The following CAST variants were observed in gnomAD, a reference collection of about 807,000 sequenced individuals.
CAST encodes the protein calpastatin.
In CAST, 76 loss-of-function variants were observed where a neutral mutation model predicts 119.6. The ratio of observed to expected loss-of-function variants is 0.64; its 90% confidence interval spans 0.53 to 0.77. The LOEUF is 0.77. Ranked by LOEUF, CAST falls within the 30% of genes least tolerant of loss-of-function variation. CAST has a pLI of 0.00. For missense variants in CAST, 953 were observed against 946.5 expected (o/e 1.01, Z -0.09); for synonymous variants, 319 against 331.6 (o/e 0.96, Z 0.41).
At chr5:96,744,075 T>G (rs1424038957) in intron 16 of CAST, among the ~76,000 whole-genome samples, 1 of 152,100 alleles carries the variant, frequency 6.6e-6, no homozygotes, top group Non-Finnish European at 1.5e-5. Context: ...AGAAAAAAAG[T>G]GACATAAAAT....
chr5:96,662,259 C>G (rs902972700), upstream of CAST: 5 of 870,014 alleles, frequency 5.7e-6, no homozygotes, highest in Non-Finnish European at 7.8e-6. Flanking sequence ...CTAGGGGAAC[C>G]CCGGCGCAGA....
intron 1 of CAST, among the ~76,000 whole-genome samples, chr5:96,530,083 A>G (rs1434924738): frequency 6.6e-6 from 1 of 152,242 alleles, no homozygotes; most frequent in Non-Finnish European, 1.5e-5. Flanking sequence ...TCTAATAAGA[A>G]AGAGAAAAAG....
chr5:96,106,742 C>G, the CAST span, among the ~76,000 whole-genome samples: 1 of 151,844 alleles, frequency 6.6e-6, no homozygotes, highest in Non-Finnish European at 1.5e-5. Context: ...ATTAGGTCCA[C>G]TTGGTGCAGA....
the CAST span, among the ~76,000 whole-genome samples, chr5:96,295,513 G>C: frequency 6.6e-6 from 1 of 152,298 alleles, no homozygotes; most frequent in East Asian, 1.9e-4. Flanking sequence ...TTTGGAACAA[G>C]AGGTTAGTTC....
the CAST span, among the ~76,000 whole-genome samples, chr5:96,355,058 A>G: frequency 6.6e-6 from 1 of 152,096 alleles, no homozygotes; most frequent in East Asian, 1.9e-4. Flanking sequence ...ACATGTGCAG[A>G]ACGTGCAGGT....
chr5:95,966,144 T>C, the CAST span, among the ~76,000 whole-genome samples: 1 of 152,078 alleles, frequency 6.6e-6, no homozygotes, highest in Non-Finnish European at 1.5e-5. Context: ...TAGAAGGAAA[T>C]AGAGGACCTG....
chr5:96,065,388 G>T, the CAST span, among the ~76,000 whole-genome samples: 3 of 147,630 alleles, frequency 2.0e-5, no homozygotes, highest in East Asian at 5.9e-4. Flanking sequence ...TATATCCTAT[G>T]GTGGTTAATG....
intron 1 of CAST, among the ~76,000 whole-genome samples, chr5:96,627,750 G>A (rs1462753715): frequency 3.3e-5 from 5 of 152,234 alleles, no homozygotes; most frequent in Admixed American, 6.5e-5. Context: ...AGAAGGAGAG[G>A]AACCTAGATA....
the CAST span, among the ~76,000 whole-genome samples, chr5:96,485,761 T>C: frequency 6.6e-6 from 1 of 152,154 alleles, no homozygotes; most frequent in African/African-American, 2.4e-5. Flanking sequence ...GCTCAGAGAA[T>C]ATATAATTCT....
intron 1 of CAST, among the ~76,000 whole-genome samples, chr5:96,610,249 G>A (rs903405110): frequency 6.6e-6 from 1 of 152,086 alleles, no homozygotes; most frequent in Admixed American, 6.6e-5. Context: ...GCTGAACTGT[G>A]AGCCATCAAG....
At chr5:96,741,698 C>A (rs1762720365) in intron 15 of CAST, 118 bp downstream of exon 15, 1 of 678,766 alleles carries the variant, frequency 1.5e-6, no homozygotes. Context: ...CCTCTCAGGT[C>A]TATGTGGAAT....
upstream of CAST, among the ~76,000 whole-genome samples, chr5:96,521,955 A>G (rs1745524797): frequency 6.6e-6 from 1 of 152,108 alleles, no homozygotes; most frequent in Non-Finnish European, 1.5e-5. Flanking sequence ...CTCTACTAAA[A>G]ATACAAAAAA....
At chr5:96,266,862 G>A in the CAST span, among the ~76,000 whole-genome samples, 3 of 152,154 alleles carry the variant, frequency 2.0e-5, no homozygotes, top group Admixed American at 6.5e-5. Context: ...GGCAATATAT[G>A]AACTCTTTGA....
chr5:96,049,160 A>C, the CAST span, among the ~76,000 whole-genome samples: 2 of 152,076 alleles, frequency 1.3e-5, no homozygotes, highest in African/African-American at 4.8e-5. Context: ...CTTTATAATA[A>C]TTTTTATGCT....
the CAST span, among the ~76,000 whole-genome samples, chr5:96,357,967 T>A: frequency 2.0e-5 from 3 of 152,218 alleles, no homozygotes; most frequent in African/African-American, 4.8e-5. Flanking sequence ...TCCTGAACTT[T>A]TTTTTGTTGG....
chr5:96,437,506 A>T, the CAST span, among the ~76,000 whole-genome samples: 1 of 152,204 alleles, frequency 6.6e-6, no homozygotes, highest in African/African-American at 2.4e-5. Context: ...TTTTCGTATT[A>T]AACTCTCAGT....
the CAST span, among the ~76,000 whole-genome samples, chr5:96,145,314 G>T: frequency 6.6e-6 from 1 of 152,166 alleles, no homozygotes; most frequent in Non-Finnish European, 1.5e-5. Flanking sequence ...GTGGAAAGGA[G>T]AATTTTTATT....
Position 96,762,237 on chromosome 5 carries a change from T to TACA in CAST, c.1834-33_1834-31dup, listed in dbSNP as rs779151115. ...ATGGCATTGTGCTCATAATTTTATA[T>TACA]ACAACATGTTACTAATAAAATTTTT... is the stretch of plus-strand genomic sequence containing the variant. On this transcript the variant is annotated intron_variant, in intron 24 of 31. Transcript: ENST00000675179. The TACA allele has an allele frequency of 3.7e-6, 5 of 1,368,216 alleles. No homozygotes were observed. The East Asian group carries it at 1.2e-4, about 32-fold the overall frequency. The allele number at this position is 1,368,216 out of a possible 1,614,324, so 84.8% of individuals were successfully genotyped here. A position where few individuals can be genotyped will look rare whatever the true frequency, so the allele number is the denominator to read the frequency against.
chr5:95,961,665 G>A, the CAST span: 20 of 1,609,060 alleles, frequency 1.2e-5, no homozygotes, highest in Non-Finnish European at 1.4e-5. Context: ...CCAGCCGTCC[G>A]CACGACAGCC....
Sources: allele counts gnomAD v4.1 joint callset (sites outside exome capture counted in the v4.1 genomes callset), GRCh38; gene constraint gnomAD v4.1.1; transcripts MANE v1.5; gene names NCBI Gene and HGNC (gene_info 2026-07-23, HGNC 2026-07-21).